OSBPL9: variants seen among roughly 807,000 people sequenced by gnomAD.
OSBPL9 encodes oxysterol binding protein like 9, also known as oxysterol-binding protein-related protein 9.
Under a neutral mutation model 106.6 loss-of-function variants are expected in OSBPL9, and 40 were observed. The observed-to-expected ratio is 0.38, with a 90% CI of 0.29 to 0.49. The LOEUF (loss-of-function observed/expected upper bound fraction) is 0.49. OSBPL9 is among the 20% of genes least tolerant of loss of function. OSBPL9 has a pLI of 0.97. For synonymous variants in OSBPL9, 269 were observed against 295.4 expected, an observed-to-expected ratio of 0.91 and a Z score of 0.92; for missense variants, 609 against 887.2, an observed-to-expected ratio of 0.69 and a Z score of 3.98.
At chr1:51,538,278 C>T in the OSBPL9 span, among the ~76,000 whole-genome samples, 15 of 152,116 alleles carry the variant, frequency 9.9e-5, no homozygotes, top group Admixed American at 9.8e-4. Flanking sequence ...GGCAACAGAG[C>T]ACGACTCCAT....
intron 1 of OSBPL9, 34 bp from the exon 2 acceptor site, chr1:51,651,957 G>A (rs767570538): frequency 7.1e-6 from 11 of 1,557,884 alleles, no homozygotes; most frequent in African/African-American, 4.1e-5. Context: ...GTCTGTTAAT[G>A]TTTTATTCAT....
At chr1:51,785,320 T>C (rs1369395537) in intron 20 of OSBPL9, 1 of 157,226 alleles carries the variant, frequency 6.4e-6, no homozygotes, top group African/African-American at 2.4e-5. Context: ...AGAGGTCTGT[T>C]ACGGCTTTTG....
chr1:51,780,316 G>A (rs539795185), intron 15 of OSBPL9, among the ~76,000 whole-genome samples: 7 of 152,010 alleles, frequency 4.6e-5, no homozygotes, highest in African/African-American at 1.2e-4. Context: ...TAGAGATGCC[G>A]TAAAGAACTG....
chr1:51,641,076 CT>C lies in OSBPL9; in HGVS notation c.112-10914del. Reference sequence around the variant, plus strand: ...ATGCTGAAATTACAGGTGTGAGCCACTGTGCGTTGCCATATTAAAGCAGATT... The same window carrying C: ...ATGCTGAAATTACAGGTGTGAGCCACGTGCGTTGCCATATTAAAGCAGATT... On this transcript the variant is annotated intron_variant, in intron 1 of 23. Transcript: ENST00000428468. Among the ~76,000 whole-genome samples the C allele has an allele frequency of 3.3e-5, 5 of 152,258 alleles. 1 individual carries two copies. The South Asian group carries it at 1.0e-3, about 32-fold the overall frequency.
rs369217605 is a variant in OSBPL9 at position 51,747,621 on chromosome 1, C to T, written c.463-748C>T. 5.6e-4 allele frequency among the ~76,000 whole-genome samples: 68 copies of T among 121,640 alleles called. 2 individuals carry two copies. The South Asian group carries it at 0.015, about 27-fold the overall frequency. 79.8% of individuals were successfully genotyped at this position (121,640 alleles called of 152,430 possible). On this transcript the variant is annotated intron_variant, in intron 6 of 23. Coordinates refer to ENST00000428468, the MANE Select transcript of OSBPL9 (RefSeq NM_024586.6). ...TAGCCTTGCGTTTGGCTCTTTTATA[C>T]CTGTTAATAGTAACTCATGTTATAA...
At chr1:51,703,586 C>A (rs1474322119) in intron 3 of OSBPL9, among the ~76,000 whole-genome samples, 1 of 151,918 alleles carries the variant, frequency 6.6e-6, no homozygotes, top group African/African-American at 2.4e-5. Context: ...TGTATCAAGT[C>A]AAGGGACAAT....
rs139193500 is a variant in OSBPL9 at position 51,677,194 on chromosome 1, G to T, written c.241+7682G>T. Among the ~76,000 whole-genome samples the T allele has an allele frequency of 2.3e-3, 357 of 152,324 alleles. 1 individual carries two copies. Among genetic ancestry groups the T allele is most frequent in the African/African-American group, 8.2e-3 (342 of 41,574 alleles). ...GCTCTGCCCCTCACTTGCTGAATCAGAAACTTTGGGAATGGGCCCGCTCTA... is the reference window on the plus strand; with the variant it reads ...GCTCTGCCCCTCACTTGCTGAATCATAAACTTTGGGAATGGGCCCGCTCTA... On this transcript the variant is annotated intron_variant, in intron 3 of 23. Coordinates refer to ENST00000428468, the MANE Select transcript of OSBPL9 (RefSeq NM_024586.6).
chr1:51,748,522 G>A, intron 7 of OSBPL9, 124 bp downstream of exon 7: 3 of 1,080,730 alleles, frequency 2.8e-6, no homozygotes, highest in Non-Finnish European at 3.6e-6. Flanking sequence ...ATATTATACA[G>A]GGGTGCTTAA....
chr1:51,788,010 CTT>C lies in OSBPL9; in HGVS notation c.*222_*223del, dbSNP rs1456775354. 2.0e-6 allele frequency: 1 copy of C among 507,604 alleles called. No homozygotes were observed. The highest frequency in any genetic ancestry group is 2.0e-5 in the African/African-American group (1 of 51,224). 31.4% of individuals were successfully genotyped at this position (507,604 alleles called of 1,614,324 possible). A position where few individuals can be genotyped will look rare whatever the true frequency, so the allele number is the denominator to read the frequency against. ...ATTTTGACTTCAGTCCTGAGAAAAA[CTT>C]CAGGTTTTGAAAATCAGATGATGTC... On this transcript the variant is annotated 3_prime_UTR_variant, in exon 24 of 24. Transcript: ENST00000428468.
the OSBPL9 span, among the ~76,000 whole-genome samples, chr1:51,542,685 T>C: frequency 6.6e-6 from 1 of 152,208 alleles, no homozygotes; most frequent in African/African-American, 2.4e-5. Context: ...AGGTATATGT[T>C]ATTATAATCC....
At chr1:51,568,869 T>A in the OSBPL9 span, among the ~76,000 whole-genome samples, 1 of 152,198 alleles carries the variant, frequency 6.6e-6, no homozygotes, top group African/African-American at 2.4e-5. Context: ...CTAGCCACCA[T>A]GCCTGGCTAA....
chr1:51,680,348 A>G (rs1238226648), intron 3 of OSBPL9, among the ~76,000 whole-genome samples: 3 of 152,106 alleles, frequency 2.0e-5, no homozygotes, highest in African/African-American at 7.2e-5. Context: ...ATGACACTGA[A>G]TGTTCTAAGA....
chr1:51,625,689 A>AC (rs1215015455), intron 1 of OSBPL9, among the ~76,000 whole-genome samples: 1 of 151,994 alleles, frequency 6.6e-6, no homozygotes, highest in Non-Finnish European at 1.5e-5. Flanking sequence ...ACACTGGCTA[A>AC]CTTTTTGTAT....
chr1:51,595,211 G>T (rs1051751655), intron 1 of OSBPL9, among the ~76,000 whole-genome samples: 1 of 152,150 alleles, frequency 6.6e-6, no homozygotes, highest in Non-Finnish European at 1.5e-5. Context: ...TAAGGGAGCG[G>T]CAGGGGAGGG....
At chr1:51,759,056 T>TTTTTAATA in intron 9 of OSBPL9, among the ~76,000 whole-genome samples, 1 of 152,046 alleles carries the variant, frequency 6.6e-6, no homozygotes, top group South Asian at 2.1e-4. Flanking sequence ...TCCAAGTCTC[T>TTTTTAATA]GTTTCTTTGC....
the OSBPL9 span, among the ~76,000 whole-genome samples, chr1:51,531,895 G>A: frequency 6.6e-6 from 1 of 152,270 alleles, no homozygotes; most frequent in East Asian, 1.9e-4. Flanking sequence ...TAGTAAAGGA[G>A]ACCAAAGAAA....
At chr1:51,540,481 C>T in the OSBPL9 span, among the ~76,000 whole-genome samples, 1 of 151,662 alleles carries the variant, frequency 6.6e-6, no homozygotes, top group African/African-American at 2.4e-5. Context: ...ATTGTGAAAC[C>T]CCATCTCTAC....
chr1:51,576,160 C>A (rs1022681832), upstream of OSBPL9, among the ~76,000 whole-genome samples: 1 of 152,232 alleles, frequency 6.6e-6, no homozygotes, highest in Non-Finnish European at 1.5e-5. Flanking sequence ...TCAGGCCCAG[C>A]TGAAAAAATT....
At chr1:51,758,116 T>C (rs1445994945) in intron 9 of OSBPL9, among the ~76,000 whole-genome samples, 1 of 152,106 alleles carries the variant, frequency 6.6e-6, no homozygotes, top group Admixed American at 6.5e-5. Context: ...ATTTTTTCTA[T>C]CAAAAACAAT....
Sources: gnomAD v4.1 joint callset for allele counts (sites outside exome capture counted in the v4.1 genomes callset) on GRCh38, gnomAD v4.1.1 for gene constraint, MANE v1.5 for transcripts, NCBI Gene and HGNC (gene_info 2026-07-23, HGNC 2026-07-21) for gene names.